Variants in NEK7 observed in about 807,000 individuals in gnomAD.
NEK7 encodes serine/threonine-protein kinase Nek7.
A neutral mutation model predicts 44.6 loss-of-function variants in NEK7; 18 were observed. That is an observed-to-expected ratio of 0.40 (90% CI 0.28 to 0.60). NEK7 has a LOEUF of 0.60. NEK7 is among the 20% of genes least tolerant of loss of function. The probability of loss-of-function intolerance (pLI) is 0.38; values close to 1 mark genes in which losing one functional copy is unlikely to be tolerated. For missense variants in NEK7, 256 were observed against 366.5 expected, an observed-to-expected ratio of 0.70 and a Z score of 2.46; for synonymous variants, 130 against 121.1, an observed-to-expected ratio of 1.07 and a Z score of -0.48.
chr1:198,252,180 C>T (rs1350991911), intron 2 of NEK7, among the ~76,000 whole-genome samples: 4 of 151,924 alleles, frequency 2.6e-5, no homozygotes, highest in South Asian at 2.1e-4. Context: ...CACAGTTGAG[C>T]GGTTTTGAGT....
At chr1:198,253,016 T>A (rs1319041061) in intron 2 of NEK7, 24 bp from the exon 3 acceptor site, 3 of 1,594,102 alleles carry the variant, frequency 1.9e-6, no homozygotes, top group East Asian at 4.5e-5. Flanking sequence ...TGATTGAAAA[T>A]TTTTCTGACA....
intron 1 of NEK7, among the ~76,000 whole-genome samples, chr1:198,189,647 A>G (rs1558048525): frequency 6.6e-6 from 1 of 152,256 alleles, no homozygotes; most frequent in East Asian, 1.9e-4. Flanking sequence ...AGATGAAGGC[A>G]AATTTTATGT....
chr1:198,260,939 T>C (rs980361606), intron 3 of NEK7, among the ~76,000 whole-genome samples: 1 of 152,092 alleles, frequency 6.6e-6, no homozygotes, highest in African/African-American at 2.4e-5. Flanking sequence ...TTTATAATCT[T>C]ATCTAATATC....
intron 1 of NEK7, among the ~76,000 whole-genome samples, chr1:198,216,630 A>T (rs1457365708): frequency 2.6e-5 from 4 of 151,846 alleles, no homozygotes; most frequent in African/African-American, 9.7e-5. Context: ...GAAGTACAAA[A>T]GATCAGTGAA....
At chr1:198,261,244 T>G (rs989008542) in intron 3 of NEK7, among the ~76,000 whole-genome samples, 1 of 152,040 alleles carries the variant, frequency 6.6e-6, no homozygotes, top group African/African-American at 2.4e-5. Context: ...GTGTATGCAT[T>G]AGACTTTGTG....
chr1:198,198,138 T>C, intron 1 of NEK7: 1 of 856,358 alleles, frequency 1.2e-6, no homozygotes, highest in South Asian at 1.4e-5. Context: ...TACCCTATGG[T>C]GGGGGGATAT....
chr1:198,235,801 G>T (rs1379193415), intron 2 of NEK7, among the ~76,000 whole-genome samples: 2 of 151,960 alleles, frequency 1.3e-5, no homozygotes, highest in Non-Finnish European at 2.9e-5. Flanking sequence ...AGAGGCCTAG[G>T]TTATTTTTTT....
At chr1:198,238,344 G>A (rs1666592253) in intron 2 of NEK7, among the ~76,000 whole-genome samples, 1 of 151,994 alleles carries the variant, frequency 6.6e-6, no homozygotes. Context: ...TTTTTCAGAG[G>A]GGCAAGGGGC....
intron 1 of NEK7, 138 bp from the exon 2 acceptor site, chr1:198,232,415 A>G (rs190853887): frequency 9.5e-5 from 46 of 485,154 alleles, no homozygotes; most frequent in Non-Finnish European, 1.7e-4. Flanking sequence ...GCAAATGGCA[A>G]AAGAGTGTGG....
chr1:198,173,387 C>T (rs1664508291), intron 1 of NEK7, among the ~76,000 whole-genome samples: 2 of 150,374 alleles, frequency 1.3e-5, no homozygotes, highest in Admixed American at 1.3e-4. Flanking sequence ...TATGATTGTG[C>T]CACTATACTC....
chr1:198,286,174 T>C (rs1286768300), intron 7 of NEK7, among the ~76,000 whole-genome samples: 2 of 152,218 alleles, frequency 1.3e-5, no homozygotes, highest in African/African-American at 4.8e-5. Flanking sequence ...CTAAGTGCCA[T>C]GTAGCACATT....
At chr1:198,233,668 A>G (rs1666464259) in intron 2 of NEK7, among the ~76,000 whole-genome samples, 1 of 150,870 alleles carries the variant, frequency 6.6e-6, no homozygotes. Context: ...CCTTTCCTAC[A>G]CTAGTGTGCA....
At chr1:198,182,899 G>A (rs1270686019) in intron 1 of NEK7, among the ~76,000 whole-genome samples, 1 of 152,124 alleles carries the variant, frequency 6.6e-6, no homozygotes, top group Non-Finnish European at 1.5e-5. Context: ...TATAAGAAAG[G>A]CCCTTAGTGC....
chr1:198,192,788 A>T (rs761552932), intron 1 of NEK7, among the ~76,000 whole-genome samples: 25 of 152,188 alleles, frequency 1.6e-4, no homozygotes, highest in Non-Finnish European at 3.1e-4. Flanking sequence ...AACATGTGAG[A>T]ATCTCTGGGA....
intron 1 of NEK7, among the ~76,000 whole-genome samples, chr1:198,169,128 A>C (rs1664355501): frequency 6.6e-6 from 1 of 152,236 alleles, no homozygotes; most frequent in Non-Finnish European, 1.5e-5. Flanking sequence ...TTTTTAAAAA[A>C]ATCTACATTG....
At chr1:198,243,399 CTCTG>C (rs1262090628) in intron 2 of NEK7, among the ~76,000 whole-genome samples, 1 of 152,160 alleles carries the variant, frequency 6.6e-6, no homozygotes, top group Non-Finnish European at 1.5e-5. Context: ...CTGCTTTTTA[CTCTG>C]TCTCTGTCTT....
chr1:198,168,155 T>A (rs1262006893), intron 1 of NEK7, among the ~76,000 whole-genome samples: 1 of 152,162 alleles, frequency 6.6e-6, no homozygotes, highest in African/African-American at 2.4e-5. Context: ...TCCAGGTGTA[T>A]TTTTTTATTT....
intron 3 of NEK7, among the ~76,000 whole-genome samples, chr1:198,258,198 TG>T (rs1653339688): frequency 6.6e-6 from 1 of 152,152 alleles, no homozygotes; most frequent in African/African-American, 2.4e-5. Context: ...CCCAGCATTT[TG>T]GGAGGCTGAG....
rs1352811877 is a variant in NEK7, at chr1:198,322,367, G to T, written c.*2845G>T. On this transcript the variant is annotated 3_prime_UTR_variant, in exon 10 of 10. Transcript: ENST00000367385. ...ATTTCTGTTATTAGCTTTGAAAATT[G>T]TATAATATCCTAATATAAACAAAAA... The T allele has an allele frequency of 6.6e-6, 1 of 151,938 alleles. No homozygotes were observed. The highest frequency in any genetic ancestry group is 2.4e-5 in the African/African-American group (1 of 41,368). 9.4% of individuals were successfully genotyped at this position (151,938 alleles called of 1,614,324 possible). A position where few individuals can be genotyped will look rare whatever the true frequency, so the allele number is the denominator to read the frequency against.
Sources: gnomAD v4.1 joint callset for allele counts (sites outside exome capture counted in the v4.1 genomes callset) on GRCh38, gnomAD v4.1.1 for gene constraint, MANE v1.5 for transcripts, NCBI Gene and HGNC (gene_info 2026-07-23, HGNC 2026-07-21) for gene names.